Variants in SORBS2 observed in about 807,000 individuals in gnomAD.
The protein encoded by SORBS2 is sorbin and SH3 domain containing 2, also known as sorbin and SH3 domain-containing protein 2.
Under a neutral mutation model 97.7 loss-of-function variants are expected in SORBS2, and 46 were observed. The ratio of observed to expected loss-of-function variants is 0.47; its 90% CI spans 0.37 to 0.60. SORBS2 has a LOEUF of 0.60. SORBS2 is among the 20% of genes least tolerant of loss of function. SORBS2 has a pLI of 0.00. For missense variants in SORBS2, 1,316 were observed against 1,282.3 expected, an observed-to-expected ratio of 1.03 and a Z score of -0.40; for synonymous variants, 476 against 473.4, an observed-to-expected ratio of 1.01 and a Z score of -0.07.
chr4:185,754,956 C>T lies in SORBS2; in HGVS notation c.-198+20271G>A, dbSNP rs116877464. Among the ~76,000 whole-genome samples the T allele has an allele frequency of 3.2e-4, 48 of 152,286 alleles. 2 individuals are homozygous for T. The East Asian group carries it at 7.9e-3, about 25-fold the overall frequency. ...CTGGGGAATGTAATCTACCTGTGTG[C>T]CCAGGAGGAAGGGAAATGGGCTTTG... On this transcript the variant is annotated intron_variant, in intron 2 of 20. Coordinates refer to the SORBS2 transcript ENST00000284776.
intron 1 of SORBS2, among the ~76,000 whole-genome samples, chr4:185,879,360 T>C (rs1489652326): frequency 1.3e-5 from 2 of 152,154 alleles, no homozygotes; most frequent in African/African-American, 2.4e-5. Context: ...CATCATTTTT[T>C]ATGGCTGCAT....
At chr4:185,923,486 T>TTTTTTTTTTTTTG (rs1471016166) in intron 1 of SORBS2, among the ~76,000 whole-genome samples, 1 of 148,746 alleles carries the variant, frequency 6.7e-6, no homozygotes, top group African/African-American at 2.5e-5. Context: ...TTTTTTTTTG[T>TTTTTTTTTTTTTG]AGAGACAGGA....
At chr4:185,895,606 G>C (rs2099244650) in intron 1 of SORBS2, among the ~76,000 whole-genome samples, 1 of 152,226 alleles carries the variant, frequency 6.6e-6, no homozygotes, top group African/African-American at 2.4e-5. Context: ...CTGCCTTCTT[G>C]CTCAGAGTCA....
chr4:185,612,678 A>G lies in SORBS2; in HGVS notation c.2596-698T>C, dbSNP rs570615300. ...TAATTTTTTGTATTTTAGCAGAGAT[A>G]GGGGTTTCACCATGTTGGTCAGGCT... On this transcript the variant is annotated intron_variant, in intron 11 of 14. Transcript: ENST00000418609. Among the ~76,000 whole-genome samples the G allele has an allele frequency of 5.0e-3, 763 of 151,994 alleles. 5 individuals carry two copies. Among genetic ancestry groups the G allele is most frequent in the African/African-American group, 0.015 (634 of 41,440 alleles).
chr4:185,935,799 G>A (rs1223055950), intron 1 of SORBS2, among the ~76,000 whole-genome samples: 5 of 152,124 alleles, frequency 3.3e-5, no homozygotes, highest in Non-Finnish European at 7.3e-5. Flanking sequence ...ATGGGAGAAT[G>A]TGGAAAAGAG....
chr4:185,948,927 A>G (rs2099275873), intron 1 of SORBS2, among the ~76,000 whole-genome samples: 1 of 152,166 alleles, frequency 6.6e-6, no homozygotes, highest in African/African-American at 2.4e-5. Flanking sequence ...ATTAAATTAG[A>G]TAAAATGTTT....
chr4:185,836,987 C>G (rs902887172), intron 1 of SORBS2, among the ~76,000 whole-genome samples: 1 of 152,154 alleles, frequency 6.6e-6, no homozygotes, highest in Non-Finnish European at 1.5e-5. Context: ...GTTCACACAG[C>G]ACTTGAACAT....
At chr4:185,758,428 G>C (rs35352776) in intron 2 of SORBS2, among the ~76,000 whole-genome samples, 48,197 of 151,958 alleles carry the variant, frequency 0.32, 8,053 homozygotes, top group African/African-American at 0.4. Context: ...CAGTTTCATT[G>C]ATAGGGTTCT....
chr4:185,673,013 G>A (rs940800426), intron 4 of SORBS2, among the ~76,000 whole-genome samples: 3 of 152,130 alleles, frequency 2.0e-5, no homozygotes, highest in Non-Finnish European at 2.9e-5. Flanking sequence ...TGGTGTATAC[G>A]CATACTAGGA....
chr4:185,833,226 G>C (rs891967218), intron 1 of SORBS2, among the ~76,000 whole-genome samples: 1 of 152,208 alleles, frequency 6.6e-6, no homozygotes, highest in South Asian at 2.1e-4. Flanking sequence ...ATGTGAACAT[G>C]TCTGGTTGGC....
At chr4:185,876,226 G>A (rs2099233586) in intron 1 of SORBS2, among the ~76,000 whole-genome samples, 1 of 152,058 alleles carries the variant, frequency 6.6e-6, no homozygotes, top group African/African-American at 2.4e-5. Flanking sequence ...TCCTGCCTCA[G>A]CCTCCTGAGT....
chr4:185,620,411 T>C (rs1005719871), intron 7 of SORBS2, among the ~76,000 whole-genome samples: 1 of 152,230 alleles, frequency 6.6e-6, no homozygotes, highest in African/African-American at 2.4e-5. Flanking sequence ...TGCTGATTAA[T>C]TATATTGCCA....
chr4:185,887,042 G>T (rs988942061), intron 1 of SORBS2, among the ~76,000 whole-genome samples: 6 of 152,166 alleles, frequency 3.9e-5, no homozygotes, highest in Non-Finnish European at 8.8e-5. Flanking sequence ...GAGAGGTGAG[G>T]CTGGCTTTGC....
chr4:185,814,645 C>T (rs753623336), intron 1 of SORBS2, among the ~76,000 whole-genome samples: 1 of 152,224 alleles, frequency 6.6e-6, no homozygotes, highest in African/African-American at 2.4e-5. Flanking sequence ...TCTCCTCCTC[C>T]CCTATACCTC....
intron 7 of SORBS2, 142 bp downstream of exon 19, chr4:185,622,772 C>T: frequency 1.4e-6 from 1 of 717,306 alleles, no homozygotes. Flanking sequence ...GACATATTTG[C>T]ACAACAAGTT....
intron 12 of SORBS2, among the ~76,000 whole-genome samples, chr4:185,608,063 G>A (rs1036262137): frequency 6.6e-6 from 1 of 152,140 alleles, no homozygotes; most frequent in Non-Finnish European, 1.5e-5. Context: ...TACTGACTTA[G>A]TAGAGTATAA....
intron 1 of SORBS2, among the ~76,000 whole-genome samples, chr4:185,859,503 T>C (rs974473038): frequency 1.3e-5 from 2 of 152,300 alleles, no homozygotes; most frequent in Middle Eastern, 6.8e-3. Context: ...TAGGAACGTC[T>C]GTTCTCCTCT....
At chr4:185,622,935 C>A (rs1197201366) in exon 7 of SORBS2, 14 of 1,611,740 alleles carry the variant, frequency 8.7e-6, no homozygotes, top group Non-Finnish European at 1.2e-5. Flanking sequence ...CCGCCACGGT[C>A]TTGGTGGTGG....
chr4:185,602,291 AG>A (rs1411605830), intron 12 of SORBS2, among the ~76,000 whole-genome samples: 14 of 151,772 alleles, frequency 9.2e-5, no homozygotes, highest in African/African-American at 3.4e-4. Flanking sequence ...TACAGGCATG[AG>A]CCACCGTGCC....
Sources: allele counts gnomAD v4.1 joint callset (sites outside exome capture counted in the v4.1 genomes callset), GRCh38; gene constraint gnomAD v4.1.1; transcripts MANE v1.5; gene names NCBI Gene and HGNC (gene_info 2026-07-23, HGNC 2026-07-21).